The following TULP4 variants were observed in gnomAD, a reference collection of about 807,000 sequenced individuals.
The protein encoded by TULP4 is tubby-related protein 4.
In TULP4, 16 loss-of-function variants were observed where a neutral mutation model predicts 129.0. That is an observed-to-expected ratio of 0.12 (90% CI 0.08 to 0.19). The LOEUF (loss-of-function observed/expected upper bound fraction) is 0.19, where lower values mean the gene tolerates loss of function less well. Ranked by LOEUF, TULP4 falls within the 10% of genes least tolerant of loss-of-function variation. TULP4 has a pLI of 1.00. For synonymous variants in TULP4, 998 were observed against 854.0 expected (o/e 1.17, Z -2.94); for missense variants, 1,842 against 2,059.1 (o/e 0.89, Z 2.04).
chr6:158,402,201 G>A (rs1339320297), intron 1 of TULP4, among the ~76,000 whole-genome samples: 2 of 152,244 alleles, frequency 1.3e-5, no homozygotes, highest in East Asian at 3.9e-4. Context: ...CTCACCATAG[G>A]GAGCTTTTCC....
At chr6:158,362,462 G>A (rs1780816181) in intron 1 of TULP4, among the ~76,000 whole-genome samples, 1 of 152,002 alleles carries the variant, frequency 6.6e-6, no homozygotes, top group Non-Finnish European at 1.5e-5. Context: ...CAATGCTCCC[G>A]CCTCAGCTTC....
At chr6:158,419,732 G>A (rs1182663052) in intron 2 of TULP4, among the ~76,000 whole-genome samples, 8 of 152,314 alleles carry the variant, frequency 5.3e-5, no homozygotes, top group South Asian at 2.1e-4. Flanking sequence ...TATTTGGTTC[G>A]TAGAAGACAG....
chr6:158,431,023 T>C (rs549643564), intron 3 of TULP4, among the ~76,000 whole-genome samples: 3 of 152,298 alleles, frequency 2.0e-5, no homozygotes, highest in South Asian at 2.1e-4. Flanking sequence ...CTTCTCAAAA[T>C]TGGTATTATG....
intron 1 of TULP4, among the ~76,000 whole-genome samples, chr6:158,259,396 T>A (rs1778308813): frequency 1.3e-5 from 2 of 152,220 alleles, no homozygotes; most frequent in South Asian, 4.1e-4. Context: ...CTCTTCCTCT[T>A]ATGGTTGTTT....
chr6:158,439,669 C>G (rs1197754675), intron 3 of TULP4, among the ~76,000 whole-genome samples: 2 of 142,640 alleles, frequency 1.4e-5, no homozygotes, highest in Non-Finnish European at 3.0e-5. Context: ...ACATGGTAAT[C>G]TCTCTCATGT....
At chr6:158,245,834 G>A (rs1284326057) in intron 1 of TULP4, among the ~76,000 whole-genome samples, 3 of 152,178 alleles carry the variant, frequency 2.0e-5, no homozygotes, top group South Asian at 2.1e-4. Context: ...AGGCACAGAA[G>A]ATGCTGAACA....
rs200432004 is a variant in TULP4 at position 158,503,648 on chromosome 6, C to G, written c.3985C>G (p.Arg1329Gly). 3 of 1,613,832 alleles carry G rather than the reference C, an allele frequency of 1.9e-6. No individual in the cohort carries two copies. The highest frequency in any genetic ancestry group is 2.2e-5 in the South Asian group (2 of 91,082). Residue 1329 changes from arginine (R) to glycine (G), a missense_variant, in exon 13 of 14, where the codon CGG (arginine) becomes GGG (glycine). Physicochemically the swap from Arg to Gly is moderately radical, Grantham distance 125. This residue lies in a region of TULP4 where 1,089 missense variants were observed against 987.1 expected (regional missense o/e 1.10). Transcript: ENST00000367097. The surrounding 1 kb of genome is among the most constrained non-coding windows in gnomAD (Gnocchi z 4.3). ...CCTGACCGAAAGCCCAGTCCCCCAG[C>G]GGACAGAAAAATTTGGAAAGAAGAA... is the stretch of plus-strand genomic sequence containing the variant. Reference protein sequence around the residue: ...LSLTESPVPQRTEKFGKKNRK... With the variant: ...LSLTESPVPQGTEKFGKKNRK...
At chr6:158,491,898 G>A (rs1004301450) in intron 9 of TULP4, among the ~76,000 whole-genome samples, 10 of 151,354 alleles carry the variant, frequency 6.6e-5, no homozygotes, top group Non-Finnish European at 1.3e-4. Context: ...TTGCTCTGTC[G>A]CCCAGGCTGG....
At chr6:158,345,247 A>C (rs751303263) in intron 1 of TULP4, among the ~76,000 whole-genome samples, 8 of 152,198 alleles carry the variant, frequency 5.3e-5, no homozygotes, top group Non-Finnish European at 1.0e-4. Context: ...TCCTGGATTC[A>C]AGCAATCCTC....
intron 1 of TULP4, among the ~76,000 whole-genome samples, chr6:158,400,187 T>G (rs1465160586): frequency 8.5e-5 from 13 of 152,224 alleles, no homozygotes; most frequent in Admixed American, 8.5e-4. Flanking sequence ...TGTTTAAAAA[T>G]TTACTGAAGT....
At chr6:158,395,077 G>T (rs190970559) in intron 1 of TULP4, among the ~76,000 whole-genome samples, 109 of 152,270 alleles carry the variant, frequency 7.2e-4, no homozygotes, top group Admixed American at 8.5e-4. Flanking sequence ...CCATGATCCA[G>T]TCACCTCCCA....
At chr6:158,464,783 A>G (rs1562577781) in intron 6 of TULP4, among the ~76,000 whole-genome samples, 1 of 152,228 alleles carries the variant, frequency 6.6e-6, no homozygotes, top group Non-Finnish European at 1.5e-5. Context: ...TCAGACCTTA[A>G]AAGGTATCAG....
chr6:158,428,818 C>A (rs1778560382), intron 2 of TULP4, among the ~76,000 whole-genome samples: 1 of 152,134 alleles, frequency 6.6e-6, no homozygotes. Flanking sequence ...GGGATTTTTC[C>A]TGTTTCTGTC....
At position 158,250,010 on chromosome 6, in the gene TULP4, C is replaced by T. The variant is rs1778109099; in HGVS notation, n.68+17707C>T. ...TTTTTGAGACGGAGTCTTGCTGTGT[C>T]ACCCAGGCTGGAGTACAGTGGCACA... is the stretch of plus-strand genomic sequence containing the variant. On this transcript the variant is annotated intron_variant and non_coding_transcript_variant, in intron 1 of 1. Transcript: ENST00000620026. Among the ~76,000 whole-genome samples, 4 of 152,140 alleles carry T rather than the reference C, an allele frequency of 2.6e-5. No homozygotes were observed. In the South Asian group the frequency reaches 8.3e-4, roughly 32 times the overall value.
chr6:158,401,054 TTGTTGTTGTTGTTGTTG>T (rs1777834781), intron 1 of TULP4, among the ~76,000 whole-genome samples: 5 of 49,122 alleles, frequency 1.0e-4, no homozygotes, highest in Admixed American at 2.6e-4. Context: ...GGGTTTTTTG[TTGTTGTTGTTGTTGTTG>T]TTGTTGTTGT....
chr6:158,346,281 A>G (rs908859221), intron 1 of TULP4, among the ~76,000 whole-genome samples: 1 of 152,252 alleles, frequency 6.6e-6, no homozygotes, highest in Non-Finnish European at 1.5e-5. Context: ...TAAGACAGGC[A>G]TAAGAAATTA....
At chr6:158,427,470 CCTTTTTT>C (rs1778523404) in intron 2 of TULP4, among the ~76,000 whole-genome samples, 1 of 100,678 alleles carries the variant, frequency 9.9e-6, no homozygotes, top group East Asian at 2.8e-4. Context: ...AATTATCAGA[CCTTTTTT>C]TTTTTTTTTT....
intron 3 of TULP4, among the ~76,000 whole-genome samples, chr6:158,446,231 T>C (rs778259576): frequency 6.6e-6 from 1 of 152,252 alleles, no homozygotes; most frequent in Non-Finnish European, 1.5e-5. Context: ...TCTTCAGTAA[T>C]CTGTGACATA....
intron 2 of TULP4, among the ~76,000 whole-genome samples, chr6:158,428,810 G>A (rs1778560241): frequency 6.6e-6 from 1 of 152,102 alleles, no homozygotes; most frequent in Non-Finnish European, 1.5e-5. Flanking sequence ...ATATTCCTGG[G>A]ATTTTTCCTG....
Sources: allele counts gnomAD v4.1 joint callset (sites outside exome capture counted in the v4.1 genomes callset), GRCh38; gene constraint gnomAD v4.1.1; regional missense constraint gnomAD v4.1.1; non-coding constraint Gnocchi (gnomAD v3.1); transcripts MANE v1.5; gene names NCBI Gene and HGNC (gene_info 2026-07-23, HGNC 2026-07-21).